The following ASAH1 variants were observed in gnomAD, a reference collection of about 807,000 sequenced individuals.
ASAH1 encodes the protein N-acylsphingosine amidohydrolase 1, also known as acid ceramidase.
ASAH1 carries 70 observed loss-of-function variants against 59.5 expected under a neutral mutation model. That is an observed-to-expected ratio of 1.18 (90% CI 0.97 to 1.43). ASAH1 has a LOEUF of 1.43. Among genes scored for constraint, ASAH1 ranks in the 40% most tolerant of loss-of-function variants. The probability of loss-of-function intolerance (pLI) is 0.00; values close to 1 mark genes in which losing one functional copy is unlikely to be tolerated. For missense variants in ASAH1, 660 were observed against 482.5 expected (o/e 1.37, Z -3.45); for synonymous variants, 213 against 166.5 (o/e 1.28, Z -2.15).
At chr8:18,081,601 T>C (rs1256641805) in intron 1 of ASAH1, among the ~76,000 whole-genome samples, 2 of 152,174 alleles carry the variant, frequency 1.3e-5, no homozygotes, top group Admixed American at 6.5e-5. Context: ...AAAAATTCAA[T>C]AATGAAGAAT....
chr8:18,069,455 T>G, intron 4 of ASAH1: 1 of 226,662 alleles, frequency 4.4e-6, no homozygotes, highest in Non-Finnish European at 8.8e-6. Flanking sequence ...AAAAAATCTC[T>G]GGATGTCCCT....
At chr8:18,062,825 T>A in intron 7 of ASAH1, 1 of 368,280 alleles carries the variant, frequency 2.7e-6, no homozygotes, top group Non-Finnish European at 5.0e-6. Flanking sequence ...ATCATCAATA[T>A]AACACAACCT....
In ASAH1 at chr8:18,058,944, G is replaced by A. The variant is rs1055760842; in HGVS notation, c.1042-53C>T. The A allele has an allele frequency of 2.0e-6, 3 of 1,497,226 alleles. No homozygotes were observed. The African/African-American group carries it at 4.1e-5, about 21-fold the overall frequency. 92.7% of individuals were successfully genotyped at this position (1,497,226 alleles called of 1,614,324 possible). Reference sequence around the variant, plus strand: ...AGTAAGTTAAATACAGAAGCCAACAGCCTTATCTACACACATGGGCCACCA... The same window carrying A: ...AGTAAGTTAAATACAGAAGCCAACAACCTTATCTACACACATGGGCCACCA... On this transcript the variant is annotated intron_variant, in intron 12 of 13. Coordinates refer to ENST00000637790, the MANE Select transcript of ASAH1 (RefSeq NM_177924.5).
intron 5 of ASAH1, chr8:18,064,782 C>T (rs940807543): frequency 1.6e-5 from 7 of 435,528 alleles, no homozygotes; most frequent in Non-Finnish European, 2.9e-5. Flanking sequence ...TGTTCTCCAA[C>T]ATCACATCCA....
chr8:18,064,205 T>C (rs1057428476), intron 6 of ASAH1: 5 of 577,812 alleles, frequency 8.7e-6, no homozygotes, highest in African/African-American at 5.6e-5. Flanking sequence ...AAGAGAAGAA[T>C]GTTTCTAGCC....
intron 2 of ASAH1, among the ~76,000 whole-genome samples, chr8:18,072,432 A>C (rs1321297328): frequency 6.6e-6 from 1 of 152,216 alleles, no homozygotes; most frequent in Non-Finnish European, 1.5e-5. Context: ...AATGCTGTGT[A>C]ACTTGGGGCC....
chr8:18,061,637 C>A (rs772365670), intron 9 of ASAH1, 49 bp downstream of exon 9: 1 of 1,560,336 alleles, frequency 6.4e-7, no homozygotes. Context: ...CAGCCTTCCT[C>A]ATAAAAAAGC....
At chr8:18,057,724 T>C (rs1799531578) in intron 13 of ASAH1, 101 bp from the exon 14 acceptor site, 3 of 646,136 alleles carry the variant, frequency 4.6e-6, no homozygotes, top group Non-Finnish European at 7.5e-6. Context: ...TTAGAAGTTA[T>C]TTAATATTAA....
intron 1 of ASAH1, 26 bp from the exon 2 acceptor site, chr8:18,075,613 C>T (rs1800372787): frequency 6.2e-7 from 1 of 1,610,746 alleles, no homozygotes; most frequent in South Asian, 1.1e-5. Context: ...AATTAAGTTT[C>T]AGAAAATAAC....
At chr8:18,058,800 C>T in intron 13 of ASAH1, 35 bp downstream of exon 13, 1 of 1,575,140 alleles carries the variant, frequency 6.3e-7, no homozygotes, top group Non-Finnish European at 8.7e-7. Context: ...AATTCTTTCC[C>T]TAAAAGGCAA....
At position 18,067,575 on chromosome 8, in the gene ASAH1, T is replaced by C. The variant is rs80080253; in HGVS notation, c.304-277A>G. ...TTTTCCTGCCTTATTTTTCCATCAT[T>C]CTCCAGAGAAGGCAGGAACGAGAGT... On this transcript the variant is annotated intron_variant, in intron 4 of 13. Coordinates refer to ENST00000637790, the MANE Select transcript of ASAH1 (RefSeq NM_177924.5). The C allele has an allele frequency of 0.012, 2,024 of 169,226 alleles. 17 individuals carry two copies. The highest frequency in any genetic ancestry group is 0.019 in the Middle Eastern group (7 of 362). 10.5% of individuals were successfully genotyped at this position (169,226 alleles called of 1,614,324 possible).
At chr8:18,063,147 C>T (rs769350260) in intron 7 of ASAH1, 38 bp downstream of exon 7, 51 of 1,604,388 alleles carry the variant, frequency 3.2e-5, no homozygotes, top group African/African-American at 9.4e-5. Flanking sequence ...GGATTACAGG[C>T]GTGAACCACC....
chr8:18,059,108 G>T, intron 12 of ASAH1: 1 of 712,024 alleles, frequency 1.4e-6, no homozygotes, highest in Non-Finnish European at 2.3e-6. Flanking sequence ...ATTCTTGCCT[G>T]TTTGTTATTC....
intron 4 of ASAH1, 86 bp from the exon 5 acceptor site, chr8:18,067,384 A>G: frequency 3.6e-6 from 3 of 843,648 alleles, no homozygotes; most frequent in Non-Finnish European, 4.8e-6. Context: ...TAATAAAAGC[A>G]TGCTTTGAAA....
At position 18,067,292 on chromosome 8, in the gene ASAH1, G is replaced by A; in HGVS notation, c.310C>T (p.Leu104=). Reference sequence around the variant, plus strand: ...AAAGGGCCAGGAAAGTTGCCAAGTAGGCCAGGCTGGAAAACAAATATATTA... The same window carrying A: ...AAAGGGCCAGGAAAGTTGCCAAGTAAGCCAGGCTGGAAAACAAATATATTA... ...MQVVDEKLPG[L]LGNFPGPFEE... The change falls in exon 5 of 14, where the codon CTA becomes TTA. Residue 104 remains leucine, a synonymous_variant. Coordinates refer to ENST00000637790, the MANE Select transcript of ASAH1 (RefSeq NM_177924.5). The A allele has an allele frequency of 6.3e-7, 1 of 1,588,014 alleles. No individual in the cohort carries two copies. Among genetic ancestry groups the A allele is most frequent in the Non-Finnish European group, 8.6e-7 (1 of 1,166,588 alleles).
chr8:18,064,830 T>C, intron 5 of ASAH1: 1 of 322,392 alleles, frequency 3.1e-6, no homozygotes, highest in Non-Finnish European at 5.7e-6. Context: ...AATTTTCTTT[T>C]GGGAGCGTAA....
chr8:18,074,783 C>G (rs904150443), intron 2 of ASAH1, among the ~76,000 whole-genome samples: 1 of 152,178 alleles, frequency 6.6e-6, no homozygotes, highest in East Asian at 1.9e-4. Context: ...GTGTTCCAAT[C>G]CTGTTTTGTC....
intron 5 of ASAH1, chr8:18,065,272 T>C (rs970635293): frequency 1.3e-5 from 2 of 152,034 alleles, no homozygotes; most frequent in African/African-American, 2.4e-5. Flanking sequence ...AAGGTATTTC[T>C]ATTTGGTATT....
intron 3 of ASAH1, among the ~76,000 whole-genome samples, chr8:18,070,316 A>AT (rs1800109724): frequency 1.3e-5 from 2 of 152,100 alleles, no homozygotes; most frequent in Admixed American, 1.3e-4. Flanking sequence ...TGCCTGGCTA[A>AT]TTTTTGTATT....
Sources: gnomAD v4.1 joint callset for allele counts (sites outside exome capture counted in the v4.1 genomes callset) on GRCh38, gnomAD v4.1.1 for gene constraint, MANE v1.5 for transcripts, NCBI Gene and HGNC (gene_info 2026-07-23, HGNC 2026-07-21) for gene names.